The following NTSR1 variants were observed in gnomAD, a reference collection of about 807,000 sequenced individuals.
The protein encoded by NTSR1 is neurotensin receptor 1, also known as neurotensin receptor type 1.
NTSR1 carries 29 observed loss-of-function variants against 31.2 expected under a neutral mutation model. That is an observed-to-expected ratio of 0.93 (90% CI 0.69 to 1.27). The LOEUF (loss-of-function observed/expected upper bound fraction) is 1.27, where lower values mean the gene tolerates loss of function less well. Ranked by LOEUF, NTSR1 falls within the 50% of genes most tolerant of loss-of-function variation. NTSR1 has a pLI of 0.00. For missense variants in NTSR1, 697 were observed against 595.4 expected (o/e 1.17, Z -1.78); for synonymous variants, 282 against 269.9 (o/e 1.04, Z -0.44).
At chr20:62,746,332 A>T (rs940440394) in intron 1 of NTSR1, among the ~76,000 whole-genome samples, 2 of 152,002 alleles carry the variant, frequency 1.3e-5, no homozygotes. Flanking sequence ...CCTTCCCGGA[A>T]CCCCCAGCAC....
At position 62,745,920 on chromosome 20, in the gene NTSR1, C is replaced by T. The variant is rs6089985; in HGVS notation, c.715-8765C>T. 0.27 allele frequency among the ~76,000 whole-genome samples: 40,581 copies of T among 152,238 alleles called. 6,237 individuals are homozygous for T. Among genetic ancestry groups the T allele is most frequent in the South Asian group, 0.41 (1,983 of 4,830 alleles). On this transcript the variant is annotated intron_variant, in intron 1 of 3. Coordinates refer to ENST00000370501, the MANE Select transcript of NTSR1 (RefSeq NM_002531.3). This position sits in a 1 kb window ranked among gnomAD's most constrained non-coding sequence, Gnocchi z 4.1. The stretch of plus-strand genomic sequence containing the variant: ...CTCTCTTTAGAGACAAATCGAAAGG[C>T]GCCAGGGTGCTGTGGCATCAGTGGC...
At chr20:62,740,466 G>A (rs959598441) in intron 1 of NTSR1, among the ~76,000 whole-genome samples, 1 of 150,772 alleles carries the variant, frequency 6.6e-6, no homozygotes, top group Non-Finnish European at 1.5e-5. Context: ...CGTGCAGGCC[G>A]GAGGGAAAAG....
Position 62,758,391 on chromosome 20 carries a change from C to G in NTSR1, c.1007+35C>G. On this transcript the variant is annotated intron_variant, in intron 3 of 3. Coordinates refer to ENST00000370501, the MANE Select transcript of NTSR1 (RefSeq NM_002531.3). The surrounding 1 kb of genome is among the most constrained non-coding windows in gnomAD (Gnocchi z 4.5). ...GGGAACCAGGAAGTTGGGTGCTGGA[C>G]AAGTAAGTGCTCCCAAAACAGATGG... 1 of 1,571,952 alleles carries G rather than the reference C, an allele frequency of 6.4e-7. No individual in the cohort carries two copies. The highest frequency in any genetic ancestry group is 8.7e-7 in the Non-Finnish European group (1 of 1,143,002).
chr20:62,711,354 C>T lies in NTSR1; in HGVS notation c.714+1433C>T, dbSNP rs1310416474. Among the ~76,000 whole-genome samples the T allele has an allele frequency of 1.3e-5, 2 of 152,158 alleles. No individual in the cohort carries two copies. Among genetic ancestry groups the T allele is most frequent in the South Asian group, 2.1e-4 (1 of 4,834 alleles). ...GTGGGGTAAACACAGTGAGAAATGA[C>T]CTCTCCCTCCCTTTGAGGCTTTATC... On this transcript the variant is annotated intron_variant, in intron 1 of 3. Transcript: ENST00000370501. This position sits in a 1 kb window ranked among gnomAD's most constrained non-coding sequence, Gnocchi z 6.4.
At chr20:62,751,014 T>C (rs1410378433) in intron 1 of NTSR1, among the ~76,000 whole-genome samples, 1 of 152,172 alleles carries the variant, frequency 6.6e-6, no homozygotes, top group Non-Finnish European at 1.5e-5. Flanking sequence ...TAGCTGGCAC[T>C]ATAGGCGTAT....
chr20:62,713,961 G>T (rs902075420), intron 1 of NTSR1, among the ~76,000 whole-genome samples: 3 of 152,202 alleles, frequency 2.0e-5, no homozygotes, highest in African/African-American at 2.4e-5. Context: ...TTAGCTGGGC[G>T]TCGTGAAGGA....
chr20:62,741,265 T>C lies in NTSR1; in HGVS notation c.715-13420T>C, dbSNP rs796998568. Among the ~76,000 whole-genome samples the C allele has an allele frequency of 6.0e-5, 9 of 151,022 alleles. No homozygotes were observed. The highest frequency in any genetic ancestry group is 2.2e-4 in the African/African-American group (9 of 40,976). On this transcript the variant is annotated intron_variant, in intron 1 of 3. Transcript: ENST00000370501. This position sits in a 1 kb window ranked among gnomAD's most constrained non-coding sequence, Gnocchi z 4.3. ...AGCCGGGCACAGACAGGATGTGGCT[T>C]CCAGGGGCTTCTGTTCTGCCAAGTC... is the stretch of plus-strand genomic sequence containing the variant.
At position 62,754,796 on chromosome 20, in the gene NTSR1, G is replaced by A; in HGVS notation, c.826G>A (p.Val276Met). The A allele has an allele frequency of 6.2e-7, 1 of 1,611,334 alleles. No homozygotes were observed. The highest frequency in any genetic ancestry group is 8.5e-7 in the Non-Finnish European group (1 of 1,179,738). The change falls in exon 2 of 4, where the codon GTG becomes ATG. Residue 276 changes from valine (V) to methionine (M), a missense_variant. Coordinates refer to ENST00000370501, the MANE Select transcript of NTSR1 (RefSeq NM_002531.3). The part of the protein sequence containing the change: ...MVRQAAEQGQ[V>M]CTVGGEHSTF... ...ACGCCAGGCGGCCGAGCAGGGCCAA[G>A]TGTGCACGGTCGGGGGCGAGCACAG...
intron 3 of NTSR1, among the ~76,000 whole-genome samples, chr20:62,759,628 G>A (rs1262405780): frequency 6.6e-6 from 1 of 152,170 alleles, no homozygotes; most frequent in Admixed American, 6.5e-5. Context: ...CAAAAAATTA[G>A]CCGGGCGTGG....
At position 62,758,764 on chromosome 20, in the gene NTSR1, C is replaced by A. The variant is rs1435746871; in HGVS notation, c.1007+408C>A. Among the ~76,000 whole-genome samples, 1 of 152,142 alleles carries A rather than the reference C, an allele frequency of 6.6e-6. No homozygotes were observed. The highest frequency in any genetic ancestry group is 2.4e-5 in the African/African-American group (1 of 41,424). ...TTATACTCAGGGCTGTGACTTATCG[C>A]AGCAAGAGCACCAATACTGACAAAG... On this transcript the variant is annotated intron_variant, in intron 3 of 3. Transcript: ENST00000370501. The surrounding 1 kb of genome is among the most constrained non-coding windows in gnomAD (Gnocchi z 4.5).
rs1989214016 is a variant in NTSR1, at chr20:62,741,930, A to G, written c.715-12755A>G. Among the ~76,000 whole-genome samples the G allele has an allele frequency of 6.7e-6, 1 of 149,298 alleles. No homozygotes were observed. The highest frequency in any genetic ancestry group is 2.1e-4 in the South Asian group (1 of 4,756). On this transcript the variant is annotated intron_variant, in intron 1 of 3. Transcript: ENST00000370501. This position sits in a 1 kb window ranked among gnomAD's most constrained non-coding sequence, Gnocchi z 4.3. Reference sequence around the variant, plus strand: ...TTCACAACTGTGCCTGGGTTTCTTTATCTACAAAAGGAGCCTGACAGGAGC... The same window carrying G: ...TTCACAACTGTGCCTGGGTTTCTTTGTCTACAAAAGGAGCCTGACAGGAGC...
chr20:62,749,985 A>T (rs1300676299), intron 1 of NTSR1, among the ~76,000 whole-genome samples: 1 of 152,210 alleles, frequency 6.6e-6, no homozygotes, highest in Non-Finnish European at 1.5e-5. Context: ...GATCTTGAAA[A>T]GATCCCTGCA....
chr20:62,730,557 G>A (rs1292979468), intron 1 of NTSR1, among the ~76,000 whole-genome samples: 1 of 152,232 alleles, frequency 6.6e-6, no homozygotes, highest in Admixed American at 6.5e-5. Context: ...ACATACATGT[G>A]CAGGTTTCTG....
intron 1 of NTSR1, among the ~76,000 whole-genome samples, chr20:62,727,426 C>G (rs1330252341): frequency 6.6e-6 from 1 of 152,236 alleles, no homozygotes; most frequent in Non-Finnish European, 1.5e-5. Context: ...CAGGCTGTCA[C>G]CGCCTGGGGC....
chr20:62,760,208 G>A lies in NTSR1; in HGVS notation c.1198G>A (p.Asp400Asn), dbSNP rs370016377. The A allele has an allele frequency of 1.8e-5, 29 of 1,613,620 alleles. No homozygotes were observed. The highest frequency in any genetic ancestry group is 2.3e-5 in the Non-Finnish European group (27 of 1,180,006). ...GAGGCCAGCCTTCTCGAGGAAGGCC[G>A]ACAGCGTGTCCAGCAACCACACCCT... is the stretch of plus-strand genomic sequence containing the variant. ...RKRPAFSRKA[D>N]SVSSNHTLSS... The change falls in exon 4 of 4, where the codon GAC (aspartate) becomes AAC (asparagine). Residue 400 changes from aspartate to asparagine, a missense_variant. Physicochemically the swap from Asp to Asn is conservative, Grantham distance 23. Transcript: ENST00000370501.
Position 62,711,419 on chromosome 20 carries a change from G to A in NTSR1, c.714+1498G>A, listed in dbSNP as rs1988610351. Among the ~76,000 whole-genome samples, 1 of 152,146 alleles carries A rather than the reference G, an allele frequency of 6.6e-6. No individual in the cohort carries two copies. Among genetic ancestry groups the A allele is most frequent in the Non-Finnish European group, 1.5e-5 (1 of 68,014 alleles). On this transcript the variant is annotated intron_variant, in intron 1 of 3. Coordinates refer to ENST00000370501, the MANE Select transcript of NTSR1 (RefSeq NM_002531.3). This position sits in a 1 kb window ranked among gnomAD's most constrained non-coding sequence, Gnocchi z 6.4. ...TCCTGTCTTTGATTGGCATTGGCCA[G>A]GGGGAACCTCTCCCCAGTCCGCGTG...
chr20:62,756,595 C>T (rs1393653454), intron 2 of NTSR1: 1 of 152,298 alleles, frequency 6.6e-6, no homozygotes, highest in East Asian at 1.9e-4. Context: ...TGGGCTCAGC[C>T]TTCCCTGCTC....
rs1040808000 is a variant in NTSR1, at chr20:62,709,116, C to T, written c.-92C>T. The stretch of plus-strand genomic sequence containing the variant: ...CGCCACGCGCCCTCCCCTGGGCTCC[C>T]GTTCATCGGTCCCCGCCTGAGACGC... On this transcript the variant is annotated 5_prime_UTR_variant, in exon 1 of 4. Transcript: ENST00000370501. 4.6e-6 allele frequency: 5 copies of T among 1,080,154 alleles called. No individual in the cohort carries two copies. In the East Asian group the frequency reaches 1.3e-4, roughly 28 times the overall value. 66.9% of individuals were successfully genotyped at this position (1,080,154 alleles called of 1,614,324 possible).
rs904118587 is a variant in NTSR1, at chr20:62,761,341, C to G, written c.*1074C>G. ...GGTGAGAAGGAGCGGTGTGTCCAGGCACCGCTGGCCGGCAGCCCTGGGCTG... is the reference window on the plus strand; with the variant it reads ...GGTGAGAAGGAGCGGTGTGTCCAGGGACCGCTGGCCGGCAGCCCTGGGCTG... On this transcript the variant is annotated 3_prime_UTR_variant, in exon 4 of 4. Coordinates refer to ENST00000370501, the MANE Select transcript of NTSR1 (RefSeq NM_002531.3). 6.6e-6 allele frequency: 1 copy of G among 152,222 alleles called. No homozygotes were observed. Among genetic ancestry groups the G allele is most frequent in the Non-Finnish European group, 1.5e-5 (1 of 68,084 alleles). 9.4% of individuals were successfully genotyped at this position (152,222 alleles called of 1,614,324 possible). A position where few individuals can be genotyped will look rare whatever the true frequency, so the allele number is the denominator to read the frequency against.
Sources: gnomAD v4.1 joint callset for allele counts (sites outside exome capture counted in the v4.1 genomes callset) on GRCh38, gnomAD v4.1.1 for gene constraint, Gnocchi (gnomAD v3.1) non-coding constraint, MANE v1.5 for transcripts, NCBI Gene and HGNC (gene_info 2026-07-23, HGNC 2026-07-21) for gene names.